SH2B2: variants seen among roughly 807,000 people sequenced by gnomAD.
SH2B2 encodes SH2B adapter protein 2.
In SH2B2, 37 loss-of-function variants were observed where a neutral mutation model predicts 35.7. That is an observed-to-expected ratio of 1.04 (90% CI 0.80 to 1.36). The LOEUF is 1.36. Ranked by LOEUF, SH2B2 falls within the 40% of genes most tolerant of loss-of-function variation. The probability of loss-of-function intolerance (pLI) is 0.00; values close to 1 mark genes in which losing one functional copy is unlikely to be tolerated. For synonymous variants in SH2B2, 383 were observed against 376.4 expected (o/e 1.02, Z -0.20); for missense variants, 852 against 817.7 (o/e 1.04, Z -0.51).
chr7:102,289,227 C>T (rs912234908), intron 1 of SH2B2, among the ~76,000 whole-genome samples: 10 of 152,130 alleles, frequency 6.6e-5, no homozygotes, highest in Admixed American at 4.6e-4. Context: ...CACATACTTC[C>T]GGGCCATCTG....
chr7:102,301,033 C>T lies in SH2B2; in HGVS notation c.483C>T (p.Asp161=), dbSNP rs782243786. Residue 161 remains aspartate, a synonymous_variant, in exon 2 of 9, where the codon GAC becomes GAT. Coordinates refer to ENST00000444095, the MANE Select transcript of SH2B2 (RefSeq NM_001359228.2). ...ACCGGCGCGCCTCGCCCGAGCCCGA[C>T]GCGGCAGCTGCCCCGCGCACCGCCG... ...MWHRRASPEP[D]AAAAPRTAEP... 25 of 1,379,104 alleles carry T rather than the reference C, an allele frequency of 1.8e-5. No homozygotes were observed. In the African/African-American group the frequency reaches 3.7e-4, roughly 20 times the overall value. 85.4% of individuals were successfully genotyped at this position (1,379,104 alleles called of 1,614,324 possible).
Position 102,300,843 on chromosome 7 carries a change from A to C in SH2B2, c.293A>C (p.Glu98Ala), listed in dbSNP as rs570846014. The change falls in exon 2 of 9, where the codon GAG (glutamate) becomes GCG (alanine). Residue 98 changes from glutamate to alanine, a missense_variant. Coordinates refer to ENST00000444095, the MANE Select transcript of SH2B2 (RefSeq NM_001359228.2). ...GCGGCCGTGAGCGCAGAGGCCATGG[A>C]GCCGGAGCTCGCGGACACCTCTGCA... The part of the protein sequence containing the change: ...RGAAVSAEAM[E>A]PELADTSALK... The C allele has an allele frequency of 1.0e-4, 150 of 1,460,768 alleles. No homozygotes were observed. The South Asian group carries it at 2.1e-3, about 20-fold the overall frequency. The allele number at this position is 1,460,768 out of a possible 1,614,324, so 90.5% of individuals were successfully genotyped here.
At chr7:102,300,497 C>T in intron 1 of SH2B2, 25 bp from the exon 2 acceptor site, 1 of 1,507,106 alleles carries the variant, frequency 6.6e-7, no homozygotes. Context: ...GCCTGAAAGT[C>T]ACTGCGCGCT....
chr7:102,285,417 C>G (rs1350806435), upstream of SH2B2, among the ~76,000 whole-genome samples: 2 of 152,220 alleles, frequency 1.3e-5, no homozygotes, highest in South Asian at 4.1e-4. Flanking sequence ...GGCGTGCAGG[C>G]CTGTGTGCAG....
chr7:102,291,056 G>T (rs544399876), intron 1 of SH2B2, among the ~76,000 whole-genome samples: 1 of 152,336 alleles, frequency 6.6e-6, no homozygotes, highest in South Asian at 2.1e-4. Context: ...AGACAGTCTG[G>T]CTCCAGATCT....
At chr7:102,287,498 G>A (rs2132881202) in intron 1 of SH2B2, among the ~76,000 whole-genome samples, 1 of 152,302 alleles carries the variant, frequency 6.6e-6, no homozygotes, top group East Asian at 1.9e-4. Flanking sequence ...GGGAGGGGGC[G>A]TCAACCTAGA....
At chr7:102,321,248 G>GA in intron 8 of SH2B2, 51 bp from the exon 9 acceptor site, 1 of 1,306,424 alleles carries the variant, frequency 7.7e-7, no homozygotes, top group Admixed American at 4.1e-5. Flanking sequence ...CTCCCTGCAG[G>GA]ATGTGGCCAG....
At chr7:102,286,788 AG>A (rs1262740501), upstream of SH2B2, 20 of 17,674 alleles carry the variant, frequency 1.1e-3, no homozygotes, top group Admixed American at 2.4e-3. Context: ...AGGACGCGCG[AG>A]GGGGGGCGGG....
chr7:102,310,172 C>T (rs2133003730), intron 4 of SH2B2, among the ~76,000 whole-genome samples: 2 of 151,786 alleles, frequency 1.3e-5, no homozygotes, highest in East Asian at 3.9e-4. Context: ...AAAAATTAGC[C>T]AGGCATCGTG....
In SH2B2 at chr7:102,300,913, G is replaced by A. The variant is rs1479478909; in HGVS notation, c.363G>A (p.Val121=). ...GCCACTCGCGGAGCTCGGAGGACGTGTCCACGCACGCGGCCACCAAGGCCC... is the reference window on the plus strand; with the variant it reads ...GCCACTCGCGGAGCTCGGAGGACGTATCCACGCACGCGGCCACCAAGGCCC... ...PYGHSRSSED[V]STHAATKARV... is the part of the protein sequence containing the mutation. The change falls in exon 2 of 9, where the codon GTG becomes GTA. Residue 121 remains valine, a synonymous_variant. Coordinates refer to ENST00000444095, the MANE Select transcript of SH2B2 (RefSeq NM_001359228.2). The A allele has an allele frequency of 1.3e-6, 2 of 1,484,712 alleles. No homozygotes were observed. Among genetic ancestry groups the A allele is most frequent in the Non-Finnish European group, 1.8e-6 (2 of 1,121,658 alleles). 92.0% of individuals were successfully genotyped at this position (1,484,712 alleles called of 1,614,324 possible).
At position 102,293,195 on chromosome 7, in the gene SH2B2, CG is replaced by C. The variant is rs1291542461; in HGVS notation, c.-30+6103del. On this transcript the variant is annotated intron_variant, in intron 1 of 8. Coordinates refer to ENST00000444095, the MANE Select transcript of SH2B2 (RefSeq NM_001359228.2). ...TGCTGCGCGGGCGGGGGCTGAAGACCGGCTTTTTTTTTTTTTTTTTTTTTTT... is the reference window on the plus strand; with the variant it reads ...TGCTGCGCGGGCGGGGGCTGAAGACCGCTTTTTTTTTTTTTTTTTTTTTTT... 4 of 141,598 alleles carry C rather than the reference CG, an allele frequency of 2.8e-5. No homozygotes were observed. The East Asian group carries it at 8.6e-4, about 30-fold the overall frequency. The allele number at this position is 141,598 out of a possible 1,614,324, so 8.8% of individuals were successfully genotyped here. A position where few individuals can be genotyped will look rare whatever the true frequency, so the allele number is the denominator to read the frequency against.
chr7:102,315,247 G>A (rs1447765239), intron 6 of SH2B2, among the ~76,000 whole-genome samples: 1 of 152,052 alleles, frequency 6.6e-6, no homozygotes, highest in Non-Finnish European at 1.5e-5. Context: ...TCTCACACCT[G>A]TAATCCCAGC....
upstream of SH2B2, chr7:102,286,774 G>GA: frequency 7.2e-6 from 1 of 138,918 alleles, no homozygotes; most frequent in Non-Finnish European, 1.6e-5. Flanking sequence ...GAGGGGGCGG[G>GA]GCCAGGACGC....
intron 3 of SH2B2, among the ~76,000 whole-genome samples, chr7:102,308,277 G>A (rs1438411202): frequency 6.6e-6 from 1 of 152,246 alleles, no homozygotes; most frequent in Non-Finnish European, 1.5e-5. Flanking sequence ...GGGAGGAGTT[G>A]AGCAGAATGC....
upstream of SH2B2, among the ~76,000 whole-genome samples, chr7:102,286,413 C>T (rs1017178991): frequency 2.9e-4 from 44 of 152,344 alleles, no homozygotes; most frequent in Non-Finnish European, 4.6e-4. Flanking sequence ...CGCGAAGCAC[C>T]CGTCAGCGAG....
chr7:102,307,759 ATTTT>A (rs1428120164), intron 3 of SH2B2, among the ~76,000 whole-genome samples: 2 of 144,420 alleles, frequency 1.4e-5, no homozygotes, highest in Admixed American at 1.4e-4. Flanking sequence ...CAACAACTAC[ATTTT>A]TTTTGTTTTT....
intron 1 of SH2B2, among the ~76,000 whole-genome samples, chr7:102,291,503 T>C (rs1015044172): frequency 2.6e-5 from 4 of 152,280 alleles, no homozygotes; most frequent in East Asian, 3.9e-4. Flanking sequence ...GGGCTCTGAA[T>C]CCACACCTGT....
At chr7:102,307,855 C>T (rs1205174769) in intron 3 of SH2B2, among the ~76,000 whole-genome samples, 1 of 151,960 alleles carries the variant, frequency 6.6e-6, no homozygotes, top group Non-Finnish European at 1.5e-5. Flanking sequence ...ACTACAACCT[C>T]CTCCTCCCGG....
intron 2 of SH2B2, among the ~76,000 whole-genome samples, chr7:102,304,567 C>T (rs1178412018): frequency 2.0e-5 from 3 of 152,240 alleles, no homozygotes; most frequent in Non-Finnish European, 4.4e-5. Context: ...GCTCTGTGGG[C>T]AAAGGCCTGG....
Sources: gnomAD v4.1 joint callset for allele counts (sites outside exome capture counted in the v4.1 genomes callset) on GRCh38, gnomAD v4.1.1 for gene constraint, MANE v1.5 for transcripts, NCBI Gene and HGNC (gene_info 2026-07-23, HGNC 2026-07-21) for gene names.